The following IGLON5 variants were observed in gnomAD, a reference collection of about 807,000 sequenced individuals.
IGLON5 encodes Ig-like domain-containing protein ENSP00000270642.
A neutral mutation model predicts 38.2 loss-of-function variants in IGLON5; 16 were observed. That is an observed-to-expected ratio of 0.42 (90% CI 0.28 to 0.64). IGLON5 has a LOEUF of 0.64. Among genes scored for constraint, IGLON5 ranks in the 30% least tolerant of loss-of-function variants. The pLI is 0.23. For synonymous variants in IGLON5, 207 were observed against 216.4 expected (o/e 0.96, Z 0.38); for missense variants, 366 against 483.4 (o/e 0.76, Z 2.28).
At position 51,327,654 on chromosome 19, in the gene IGLON5, G is replaced by A. The variant is rs1317031196; in HGVS notation, c.768-78G>A. ...AGGGGGCAGAATGCTGGGTCACCGG[G>A]GAACGGAGGAGCCTGAGAGTCGGGG... On this transcript the variant is annotated intron_variant, in intron 6 of 7. Transcript: ENST00000270642. This position sits in a 1 kb window ranked among gnomAD's most constrained non-coding sequence, Gnocchi z 7.1. The A allele has an allele frequency of 4.6e-6, 7 of 1,525,214 alleles. No individual in the cohort carries two copies. In the African/African-American group the frequency reaches 9.7e-5, roughly 21 times the overall value. 94.5% of individuals were successfully genotyped at this position (1,525,214 alleles called of 1,614,324 possible). A position where few individuals can be genotyped will look rare whatever the true frequency, so the allele number is the denominator to read the frequency against.
At position 51,329,131 on chromosome 19, in the gene IGLON5, TG is replaced by T. The variant is rs1317132084; in HGVS notation, c.*373del. ...GTGTCTGTGTCTCTGTTTGTGTGTG[TG>T]TGGGGGGGTGGGCTGGGGGAAGGGA... is the stretch of plus-strand genomic sequence containing the variant. On this transcript the variant is annotated 3_prime_UTR_variant, in exon 8 of 8. Coordinates refer to ENST00000270642, the MANE Select transcript of IGLON5 (RefSeq NM_001101372.3). This position sits in a 1 kb window ranked among gnomAD's most constrained non-coding sequence, Gnocchi z 4.3. 1.2e-5 allele frequency: 1 copy of T among 85,016 alleles called. No individual in the cohort carries two copies. Among genetic ancestry groups the T allele is most frequent in the Admixed American group, 1.3e-4 (1 of 7,686 alleles). The allele number at this position is 85,016 out of a possible 1,614,324, so 5.3% of individuals were successfully genotyped here. A position where few individuals can be genotyped will look rare whatever the true frequency, so the allele number is the denominator to read the frequency against.
chr19:51,313,768 A>G (rs1466711008), intron 1 of IGLON5, among the ~76,000 whole-genome samples: 1 of 147,172 alleles, frequency 6.8e-6, no homozygotes, highest in Non-Finnish European at 1.5e-5. Flanking sequence ...CCTAGGCTGG[A>G]GTGGAGTGGT....
Position 51,327,013 on chromosome 19 carries a change from G to A in IGLON5, c.647-67G>A. On this transcript the variant is annotated intron_variant, in intron 5 of 7. Coordinates refer to ENST00000270642, the MANE Select transcript of IGLON5 (RefSeq NM_001101372.3). The surrounding 1 kb of genome is among the most constrained non-coding windows in gnomAD (Gnocchi z 7.1). ...GACTTACGGGCCTGAGGGAGGCGGG[G>A]GCTGGGGGCGGGACCCCTTCGTCCC... The A allele has an allele frequency of 1.3e-6, 2 of 1,596,932 alleles. No individual in the cohort carries two copies. Among genetic ancestry groups the A allele is most frequent in the South Asian group, 2.2e-5 (2 of 89,960 alleles).
intron 1 of IGLON5, among the ~76,000 whole-genome samples, chr19:51,312,875 T>C (rs1242639412): frequency 6.6e-6 from 1 of 152,000 alleles, no homozygotes. Context: ...AGGAGATTCC[T>C]AGATTTCCCC....
At chr19:51,328,123 G>A (rs1985262934) in intron 7 of IGLON5, among the ~76,000 whole-genome samples, 1 of 152,220 alleles carries the variant, frequency 6.6e-6, no homozygotes, top group East Asian at 1.9e-4. Flanking sequence ...TTGGGGATTC[G>A]CAGAGCTTAT....
chr19:51,323,182 GTCTC>G (rs146673897), intron 2 of IGLON5, among the ~76,000 whole-genome samples: 12 of 119,550 alleles, frequency 1.0e-4, no homozygotes, highest in Non-Finnish European at 1.9e-4. Context: ...CTCTCTCTGG[GTCTC>G]TCTCTCTCTC....
intron 1 of IGLON5, among the ~76,000 whole-genome samples, chr19:51,320,385 G>C (rs1985023532): frequency 6.6e-6 from 1 of 152,216 alleles, no homozygotes; most frequent in South Asian, 2.1e-4. Flanking sequence ...GCTGGGGGCA[G>C]GGCAGCCCCG....
At chr19:51,322,240 G>C (rs1985079369) in intron 2 of IGLON5, 98 bp downstream of exon 2, 2 of 974,090 alleles carry the variant, frequency 2.1e-6, no homozygotes, top group Non-Finnish European at 3.2e-6. Flanking sequence ...GGAACAGCCT[G>C]GGATGGGAAG....
intron 1 of IGLON5, among the ~76,000 whole-genome samples, chr19:51,316,903 G>T (rs926035598): frequency 6.6e-6 from 1 of 151,788 alleles, no homozygotes; most frequent in Non-Finnish European, 1.5e-5. Flanking sequence ...AGCCAGAGCC[G>T]CACCCCCTCC....
At chr19:51,322,463 CAGAGA>C (rs1985089114) in intron 2 of IGLON5, among the ~76,000 whole-genome samples, 2 of 147,586 alleles carry the variant, frequency 1.4e-5, no homozygotes, top group African/African-American at 5.3e-5. Context: ...GAGAAGGGGA[CAGAGA>C]TCCAGAGAGA....
chr19:51,318,535 C>T (rs10416234), intron 1 of IGLON5, among the ~76,000 whole-genome samples: 5,703 of 151,600 alleles, frequency 0.038, 402 homozygotes, highest in African/African-American at 0.13. Context: ...CCCAGGAGTT[C>T]GAAACCAGCC....
Position 51,326,805 on chromosome 19 carries a change from A to G in IGLON5, c.553A>G (p.Ile185Val). The change falls in exon 5 of 8, where the codon ATC (isoleucine) becomes GTC (valine). Residue 185 changes from isoleucine to valine, a missense_variant. By Grantham distance (29) the Ile-to-Val change is conservative. Coordinates refer to ENST00000270642, the MANE Select transcript of IGLON5 (RefSeq NM_001101372.3). ...GGGAGAGATCCTGGAGATCTCTGAC[A>G]TCCAGCGGGGCCAGGCCGGGGAGTA... Reference protein sequence around the residue: ...SEGEILEISDIQRGQAGEYEC... With the variant: ...SEGEILEISDVQRGQAGEYEC... 1 of 1,550,518 alleles carries G rather than the reference A, an allele frequency of 6.4e-7. No homozygotes were observed. Among genetic ancestry groups the G allele is most frequent in the Non-Finnish European group, 8.7e-7 (1 of 1,147,022 alleles).
At chr19:51,322,182 C>CCATG (rs781581960) in intron 2 of IGLON5, 40 bp downstream of exon 2, 2 of 1,491,734 alleles carry the variant, frequency 1.3e-6, no homozygotes, top group Non-Finnish European at 1.9e-6. Flanking sequence ...TCTCATGGAG[C>CCATG]CATGCGGTCC....
chr19:51,312,825 T>G (rs1218618049), intron 1 of IGLON5, among the ~76,000 whole-genome samples: 1 of 152,030 alleles, frequency 6.6e-6, no homozygotes, highest in Non-Finnish European at 1.5e-5. Context: ...AGCTGGACCT[T>G]GAGTCTCCCC....
chr19:51,323,591 C>G, intron 2 of IGLON5, 71 bp from the exon 3 acceptor site: 1 of 1,369,670 alleles, frequency 7.3e-7, no homozygotes, highest in Non-Finnish European at 1.0e-6. Context: ...CTTCTCCCAC[C>G]CACCCCCTCG....
chr19:51,316,818 A>T (rs1443290884), intron 1 of IGLON5, among the ~76,000 whole-genome samples: 3 of 152,058 alleles, frequency 2.0e-5, no homozygotes, highest in Non-Finnish European at 4.4e-5. Context: ...TGAGGTCAGC[A>T]AAGGGAGGAG....
At chr19:51,319,761 A>G (rs7254116) in intron 1 of IGLON5, among the ~76,000 whole-genome samples, 42,879 of 152,014 alleles carry the variant, frequency 0.28, 6,661 homozygotes, top group East Asian at 0.51. Flanking sequence ...GTGCCTGTGC[A>G]GAGCTGGGTC....
chr19:51,314,196 T>C (rs994343350), intron 1 of IGLON5, among the ~76,000 whole-genome samples: 4 of 106,946 alleles, frequency 3.7e-5, no homozygotes, highest in Non-Finnish European at 7.3e-5. Flanking sequence ...TATTTTTTTT[T>C]TTTTTGAGGC....
chr19:51,322,965 C>A (rs1985111063), intron 2 of IGLON5, among the ~76,000 whole-genome samples: 2 of 147,674 alleles, frequency 1.4e-5, no homozygotes, highest in Non-Finnish European at 3.0e-5. Flanking sequence ...GGGTCTCTGT[C>A]CCCCTCTCTC....
Sources: gnomAD v4.1 joint callset for allele counts (sites outside exome capture counted in the v4.1 genomes callset) on GRCh38, gnomAD v4.1.1 for gene constraint, Gnocchi (gnomAD v3.1) non-coding constraint, MANE v1.5 for transcripts, NCBI Gene and HGNC (gene_info 2026-07-23, HGNC 2026-07-21) for gene names.